Variants in UGT1A10 observed in about 807,000 individuals in gnomAD.
UGT1A10 encodes UDP glucuronosyltransferase family 1 member A10.
Under a neutral mutation model 45.8 loss-of-function variants are expected in UGT1A10, and 49 were observed. That is an observed-to-expected ratio of 1.07 (90% CI 0.85 to 1.36). The LOEUF (loss-of-function observed/expected upper bound fraction) is 1.36. Ranked by LOEUF, UGT1A10 falls within the 40% of genes most tolerant of loss-of-function variation. The pLI is 0.00. For missense variants in UGT1A10, 745 were observed against 668.6 expected (o/e 1.11, Z -1.26); for synonymous variants, 284 against 249.7 (o/e 1.14, Z -1.29).
chr2:233,729,648 G>A lies in UGT1A10; in HGVS notation c.856-37386G>A, dbSNP rs777442066. 3.1e-6 allele frequency: 5 copies of A among 1,613,800 alleles called. No homozygotes were observed. In the South Asian group the frequency reaches 5.5e-5, roughly 18 times the overall value. On this transcript the variant is annotated intron_variant, in intron 1 of 4. Coordinates refer to ENST00000344644, the MANE Select transcript of UGT1A10 (RefSeq NM_019075.4). ...CGATTCCTACTGTGTTTTTTTTGAG[G>A]AACATTCCATGTGATTTAGACTTTA... is the stretch of plus-strand genomic sequence containing the variant.
downstream of UGT1A10, chr2:233,773,300 AT>A (rs1228991632): frequency 6.6e-6 from 1 of 152,190 alleles, no homozygotes; most frequent in Non-Finnish European, 1.5e-5. Context: ...TATAAATTCT[AT>A]TTAAGTGTTT....
Position 233,638,431 on chromosome 2 carries a change from A to G in UGT1A10, c.855+1054A>G, listed in dbSNP as rs549582220. 2.4e-3 allele frequency among the ~76,000 whole-genome samples: 366 copies of G among 152,316 alleles called. 3 individuals are homozygous for G. The highest frequency in any genetic ancestry group is 3.6e-3 in the Non-Finnish European group (246 of 68,030). On this transcript the variant is annotated intron_variant, in intron 1 of 4. Coordinates refer to ENST00000344644, the MANE Select transcript of UGT1A10 (RefSeq NM_019075.4). ...TTGTAGTATGCATTAGATGTACAAT[A>G]TACAATACCATCTGCAAGTAATTCC... is the stretch of plus-strand genomic sequence containing the variant.
intron 4 of UGT1A10, chr2:233,770,235 A>G (rs930818021): frequency 6.6e-6 from 1 of 152,226 alleles, no homozygotes; most frequent in Non-Finnish European, 1.5e-5. Flanking sequence ...GTGAATCTCC[A>G]TGATTCCAAC....
chr2:233,688,526 GGTTT>G (rs113090807), intron 1 of UGT1A10, among the ~76,000 whole-genome samples: 1,546 of 152,214 alleles, frequency 0.01, 37 homozygotes, highest in African/African-American at 0.035. Flanking sequence ...GCCTAGAGTG[GGTTT>G]GACTTACATC....
At chr2:233,744,071 C>T (rs17864701) in intron 1 of UGT1A10, 146,390 of 490,018 alleles carry the variant, frequency 0.3, 23,171 homozygotes, top group South Asian at 0.39. Context: ...CTATGAGCGC[C>T]TCGCATCCCA....
chr2:233,721,842 C>T (rs2076975101), intron 1 of UGT1A10: 2 of 515,392 alleles, frequency 3.9e-6, no homozygotes, highest in African/African-American at 1.9e-5. Flanking sequence ...GACCTTGTGT[C>T]CAGCCCCACT....
intron 1 of UGT1A10, among the ~76,000 whole-genome samples, chr2:233,683,661 A>T (rs956582405): frequency 6.6e-6 from 1 of 152,054 alleles, no homozygotes; most frequent in Non-Finnish European, 1.5e-5. Flanking sequence ...AAAGTATTTC[A>T]TCTTTCTTAT....
intron 1 of UGT1A10, among the ~76,000 whole-genome samples, chr2:233,759,217 A>T (rs1421776019): frequency 1.3e-5 from 2 of 152,292 alleles, no homozygotes; most frequent in East Asian, 3.9e-4. Flanking sequence ...AGGTCCATTT[A>T]TGCAAATGAA....
chr2:233,644,045 G>A (rs1478950466), intron 1 of UGT1A10, among the ~76,000 whole-genome samples: 1 of 152,134 alleles, frequency 6.6e-6, no homozygotes, highest in Non-Finnish European at 1.5e-5. Flanking sequence ...TACTCCCTTG[G>A]CTGCTTCAGC....
chr2:233,699,099 T>A (rs1370746002), intron 1 of UGT1A10, among the ~76,000 whole-genome samples: 1 of 152,204 alleles, frequency 6.6e-6, no homozygotes, highest in Non-Finnish European at 1.5e-5. Context: ...GTGCACCTCA[T>A]CACCTGCCCC....
chr2:233,680,224 G>T (rs997361200), intron 1 of UGT1A10, among the ~76,000 whole-genome samples: 8 of 152,048 alleles, frequency 5.3e-5, no homozygotes, highest in Non-Finnish European at 1.2e-4. Context: ...TCCCATGGTG[G>T]TATTCAAGGT....
intron 1 of UGT1A10, among the ~76,000 whole-genome samples, chr2:233,766,262 CCCGGG>C (rs2126023646): frequency 2.9e-5 from 2 of 68,082 alleles, no homozygotes; most frequent in East Asian, 5.0e-4. Flanking sequence ...CGCTCAGTGG[CCCGGG>C]CTCGGTGGCC....
chr2:233,728,342 G>A (rs1241528398), intron 1 of UGT1A10, among the ~76,000 whole-genome samples: 1 of 152,172 alleles, frequency 6.6e-6, no homozygotes, highest in Non-Finnish European at 1.5e-5. Flanking sequence ...CCAGTCCCTT[G>A]GTGAGCAGGA....
chr2:233,664,542 C>A (rs2074036345), intron 1 of UGT1A10, among the ~76,000 whole-genome samples: 2 of 152,170 alleles, frequency 1.3e-5, no homozygotes, highest in South Asian at 4.1e-4. Context: ...CTGGGGAAGC[C>A]TCAGGGAGTG....
chr2:233,681,969 C>A, intron 1 of UGT1A10: 1 of 1,614,088 alleles, frequency 6.2e-7, no homozygotes, highest in South Asian at 1.1e-5. Flanking sequence ...GGCCTCCTTC[C>A]CCTATATGTG....
chr2:233,637,948 G>GT (rs1328290232), intron 1 of UGT1A10, among the ~76,000 whole-genome samples: 2 of 152,042 alleles, frequency 1.3e-5, no homozygotes, highest in Non-Finnish European at 2.9e-5. Flanking sequence ...ATACAATGTA[G>GT]TTTTTTAACC....
Position 233,706,374 on chromosome 2 carries a change from CAAA to C in UGT1A10, c.856-60658_856-60656del, listed in dbSNP as rs1263294962. ...CATTCTTCCAATTTAGGCCATTGTA[CAAA>C]AGCAGAGGCCAAGTACATTTACCAC... On this transcript the variant is annotated intron_variant, in intron 1 of 4. Transcript: ENST00000344644. Among the ~76,000 whole-genome samples the C allele has an allele frequency of 2.6e-5, 4 of 152,296 alleles. No individual in the cohort carries two copies. In the East Asian group the frequency reaches 7.7e-4, roughly 29 times the overall value.
At chr2:233,718,401 C>G (rs1023321432) in intron 1 of UGT1A10, among the ~76,000 whole-genome samples, 1 of 152,202 alleles carries the variant, frequency 6.6e-6, no homozygotes, top group Non-Finnish European at 1.5e-5. Flanking sequence ...TAGCAAATAG[C>G]GTCACATTCA....
At chr2:233,640,564 A>G (rs1364227560) in intron 1 of UGT1A10, among the ~76,000 whole-genome samples, 2 of 152,184 alleles carry the variant, frequency 1.3e-5, no homozygotes, top group Non-Finnish European at 2.9e-5. Flanking sequence ...TCAGAAATAA[A>G]CCCATACATC....
Sources: allele counts gnomAD v4.1 joint callset (sites outside exome capture counted in the v4.1 genomes callset), GRCh38; gene constraint gnomAD v4.1.1; transcripts MANE v1.5; gene names NCBI Gene and HGNC (gene_info 2026-07-23, HGNC 2026-07-21).